Variants in CFAP54 observed in about 807,000 individuals in gnomAD.
CFAP54 encodes the protein cilia and flagella associated protein 54.
In CFAP54, 290 loss-of-function variants were observed where a neutral mutation model predicts 370.4. The observed-to-expected ratio is 0.78, with a 90% CI of 0.71 to 0.86. The LOEUF is 0.86. Ranked by LOEUF, CFAP54 falls within the 40% of genes least tolerant of loss-of-function variation. The pLI is 0.00. For missense variants in CFAP54, 3,399 were observed against 3,528.7 expected (o/e 0.96, Z 0.93); for synonymous variants, 1,206 against 1,236.5 (o/e 0.98, Z 0.52).
In CFAP54 at chr12:96,638,204, C is replaced by CATATAT. The variant is rs1491263304; in HGVS notation, c.4317-5972_4317-5971insATATAT. 7.4e-3 allele frequency among the ~76,000 whole-genome samples: 536 copies of CATATAT among 72,064 alleles called. 6 individuals are homozygous for CATATAT. The highest frequency in any genetic ancestry group is 0.024 in the African/African-American group (490 of 20,818). 47.3% of individuals were successfully genotyped at this position (72,064 alleles called of 152,430 possible). On this transcript the variant is annotated intron_variant, in intron 32 of 67. Coordinates refer to ENST00000524981, the MANE Select transcript of CFAP54 (RefSeq NM_001306084.2). ...TGCATCATATATATATATATATATG[C>CATATAT]ATGTGTGTGTGTGTGTGTGTGTGTG...
At chr12:96,705,618 G>T (rs1717047984) in intron 47 of CFAP54, among the ~76,000 whole-genome samples, 1 of 151,922 alleles carries the variant, frequency 6.6e-6, no homozygotes. Flanking sequence ...GTGGTTTTTG[G>T]TATAAAAAGA....
intron 63 of CFAP54, among the ~76,000 whole-genome samples, chr12:96,811,385 A>T (rs987307701): frequency 6.6e-6 from 1 of 152,222 alleles, no homozygotes; most frequent in Non-Finnish European, 1.5e-5. Context: ...TGGGAACGGT[A>T]CACATTGAGA....
At chr12:96,833,372 A>G (rs1959176476) in intron 66 of CFAP54, among the ~76,000 whole-genome samples, 1 of 152,210 alleles carries the variant, frequency 6.6e-6, no homozygotes, top group African/African-American at 2.4e-5. Flanking sequence ...CCAGCTACGT[A>G]TAGAACATTG....
At chr12:96,869,933 C>CAAA (rs760992300) in intron 67 of CFAP54, among the ~76,000 whole-genome samples, 2 of 36,828 alleles carry the variant, frequency 5.4e-5, no homozygotes, top group African/African-American at 9.5e-5. Context: ...AAAACTCCGT[C>CAAA]AAAAAAAAAA....
intron 26 of CFAP54, 111 bp from the exon 27 acceptor site, chr12:96,621,479 T>TTCTTAGACTGAAAAC (rs2068676848): frequency 3.1e-5 from 22 of 700,328 alleles, no homozygotes; most frequent in Non-Finnish European, 4.3e-5. Context: ...AAAAGGGGGA[T>TTCTTAGACTGAAAAC]TCTTAGACTG....
chr12:96,874,481 C>T (rs1960242860), intron 67 of CFAP54, among the ~76,000 whole-genome samples: 1 of 152,006 alleles, frequency 6.6e-6, no homozygotes, highest in Admixed American at 6.6e-5. Context: ...GAAAATAAAA[C>T]CTGATTGGTT....
At chr12:96,765,345 G>A in intron 60 of CFAP54, 127 bp downstream of exon 60, 2 of 791,384 alleles carry the variant, frequency 2.5e-6, no homozygotes, top group Non-Finnish European at 3.6e-6. Flanking sequence ...GGCACTTCCA[G>A]GGGATCATAG....
chr12:96,544,527 C>T (rs1955617097), intron 14 of CFAP54, among the ~76,000 whole-genome samples: 1 of 152,054 alleles, frequency 6.6e-6, no homozygotes, highest in Admixed American at 6.6e-5. Context: ...TAATCTTCTC[C>T]TGCCTCTCTG....
intron 15 of CFAP54, among the ~76,000 whole-genome samples, chr12:96,552,973 C>CT (rs1362548263): frequency 1.3e-5 from 2 of 152,154 alleles, no homozygotes; most frequent in Non-Finnish European, 2.9e-5. Context: ...ACCAGGCATG[C>CT]TGAGCAAACT....
chr12:96,580,247 A>T (rs1956018724), intron 20 of CFAP54, among the ~76,000 whole-genome samples: 2 of 152,094 alleles, frequency 1.3e-5, no homozygotes, highest in South Asian at 4.1e-4. Flanking sequence ...GTTATTTAAC[A>T]TCTCTGCATC....
chr12:96,811,820 T>A lies in CFAP54; in HGVS notation c.8935T>A (p.Ser2979Thr), dbSNP rs1418511601. Residue 2979 changes from serine to threonine, a missense_variant, in exon 64 of 68, where the codon TCT (serine) becomes ACT (threonine). By Grantham distance (58) the Ser-to-Thr change is moderately conservative. Around this residue, in one of 3 missense-constraint regions of CFAP54, gnomAD observed 2,796 missense variants for 2,869.7 expected, o/e 0.97. Coordinates refer to ENST00000524981, the MANE Select transcript of CFAP54 (RefSeq NM_001306084.2). ...HSTYNSTCVGSLWIPLNRVIA... is the reference protein window; with the variant it reads ...HSTYNSTCVGTLWIPLNRVIA... Reference sequence around the variant, plus strand: ...CACTTATAACAGTACATGTGTTGGCTCTTTATGGATTCCACTGAATAGGCA... The same window carrying A: ...CACTTATAACAGTACATGTGTTGGCACTTTATGGATTCCACTGAATAGGCA... 1 of 1,508,860 alleles carries A rather than the reference T, an allele frequency of 6.6e-7. No homozygotes were observed. The highest frequency in any genetic ancestry group is 1.4e-5 in the African/African-American group (1 of 71,068). 93.5% of individuals were successfully genotyped at this position (1,508,860 alleles called of 1,614,324 possible).
chr12:96,795,106 TCAGCCATGGATAC>T (rs1185248539), intron 63 of CFAP54, among the ~76,000 whole-genome samples: 4 of 152,206 alleles, frequency 2.6e-5, no homozygotes, highest in Non-Finnish European at 5.9e-5. Context: ...TTCAGGTCTC[TCAGCCATGGATAC>T]CAGCACCTGC....
intron 23 of CFAP54, 140 bp from the exon 24 acceptor site, chr12:96,592,350 G>A (rs899132522): frequency 9.0e-6 from 3 of 333,928 alleles, no homozygotes; most frequent in Non-Finnish European, 1.6e-5. Context: ...GAGCTTGTCT[G>A]TGCAAGAATA....
intron 19 of CFAP54, among the ~76,000 whole-genome samples, chr12:96,568,171 A>G (rs1435919620): frequency 2.0e-5 from 3 of 151,448 alleles, no homozygotes; most frequent in Non-Finnish European, 4.4e-5. Flanking sequence ...GGGAGGGAAG[A>G]ATATACACGG....
At chr12:96,832,265 C>T (rs1592795022) in intron 66 of CFAP54, among the ~76,000 whole-genome samples, 1 of 89,064 alleles carries the variant, frequency 1.1e-5, no homozygotes. Context: ...AAAGCTTTTT[C>T]TTTTGTAAAA....
Position 96,519,012 on chromosome 12 carries a change from A to G in CFAP54, c.883A>G (p.Thr295Ala), listed in dbSNP as rs1000455290. Residue 295 changes from threonine (T) to alanine (A), a missense_variant, in exon 6 of 68, where the codon ACT becomes GCT. Physicochemically the swap from Thr to Ala is moderately conservative, Grantham distance 58. This residue lies in a region of CFAP54 where 559 missense variants were observed against 576.7 expected (regional missense o/e 0.97). Coordinates refer to ENST00000524981, the MANE Select transcript of CFAP54 (RefSeq NM_001306084.2). Reference protein sequence around the residue: ...LSLRYLTWRATLYTAVCQCCY... With the variant: ...LSLRYLTWRAALYTAVCQCCY... ...ACTCAGGTACTTGACATGGCGCGCTACTCTCTACACAGCTGTTTGCCAGTG... is the reference window on the plus strand; with the variant it reads ...ACTCAGGTACTTGACATGGCGCGCTGCTCTCTACACAGCTGTTTGCCAGTG... 3.9e-6 allele frequency: 6 copies of G among 1,534,852 alleles called. No individual in the cohort carries two copies. The Admixed American group carries it at 5.9e-5, about 15-fold the overall frequency.
At chr12:96,590,618 A>G (rs900212421) in intron 23 of CFAP54, among the ~76,000 whole-genome samples, 1 of 152,196 alleles carries the variant, frequency 6.6e-6, no homozygotes, top group Admixed American at 6.5e-5. Flanking sequence ...GCTATGTGCT[A>G]TGGGGGTATG....
chr12:96,653,437 A>G (rs1473656847), intron 36 of CFAP54, among the ~76,000 whole-genome samples: 1 of 152,246 alleles, frequency 6.6e-6, no homozygotes, highest in Admixed American at 6.5e-5. Flanking sequence ...TTTGACCATT[A>G]CAGAATTAAA....
intron 60 of CFAP54, among the ~76,000 whole-genome samples, chr12:96,773,516 T>G (rs1592753743): frequency 6.6e-6 from 1 of 152,230 alleles, no homozygotes; most frequent in East Asian, 1.9e-4. Flanking sequence ...GAAAAGCATA[T>G]TTGGAGTTTA....
Sources: allele counts gnomAD v4.1 joint callset (sites outside exome capture counted in the v4.1 genomes callset), GRCh38; gene constraint gnomAD v4.1.1; regional missense constraint gnomAD v4.1.1; transcripts MANE v1.5; gene names NCBI Gene and HGNC (gene_info 2026-07-23, HGNC 2026-07-21).